CAMK4: variants seen among roughly 807,000 people sequenced by gnomAD.
The protein encoded by CAMK4 is calcium/calmodulin-dependent protein kinase type IV.
A neutral mutation model predicts 44.9 loss-of-function variants in CAMK4; 22 were observed. That is an observed-to-expected ratio of 0.49 (90% CI 0.35 to 0.70). The LOEUF is 0.70. CAMK4 is among the 30% of genes least tolerant of loss of function. The pLI is 0.01. For missense variants in CAMK4, 498 were observed against 586.8 expected (o/e 0.85, Z 1.56); for synonymous variants, 218 against 215.4 (o/e 1.01, Z -0.11).
chr5:111,346,111 A>G (rs1223832318), intron 2 of CAMK4, among the ~76,000 whole-genome samples: 3 of 151,970 alleles, frequency 2.0e-5, no homozygotes, highest in Admixed American at 1.3e-4. Context: ...AGTTGCCTCT[A>G]GCGTTTCATT....
intron 1 of CAMK4, among the ~76,000 whole-genome samples, chr5:111,295,777 T>C (rs1747455747): frequency 6.6e-6 from 1 of 152,182 alleles, no homozygotes; most frequent in Non-Finnish European, 1.5e-5. Context: ...GTTAGGAGAA[T>C]GGAAAGAGCA....
In CAMK4 at chr5:111,487,931, G is replaced by C. The variant is rs909534261; in HGVS notation, c.*3465G>C. ...TCCTGCCCATTCATTTACTTCAGAG[G>C]AGAAATGATTCCTAACATGACTTCA... On this transcript the variant is annotated 3_prime_UTR_variant, in exon 11 of 11. Transcript: ENST00000282356. 6.6e-6 allele frequency: 1 copy of C among 152,176 alleles called. No homozygotes were observed. Among genetic ancestry groups the C allele is most frequent in the Non-Finnish European group, 1.5e-5 (1 of 68,030 alleles). The allele number at this position is 152,176 out of a possible 1,614,324, so 9.4% of individuals were successfully genotyped here. A position where few individuals can be genotyped will look rare whatever the true frequency, so the allele number is the denominator to read the frequency against.
At chr5:111,421,714 A>G (rs1400177366) in intron 5 of CAMK4, among the ~76,000 whole-genome samples, 1 of 151,888 alleles carries the variant, frequency 6.6e-6, no homozygotes, top group East Asian at 1.9e-4. Context: ...TTTTTTCATG[A>G]TTTTTAATGA....
chr5:111,356,540 A>G lies in CAMK4; in HGVS notation c.240+12438A>G, dbSNP rs865917138. On this transcript the variant is annotated intron_variant, in intron 2 of 10. Coordinates refer to ENST00000282356, the MANE Select transcript of CAMK4 (RefSeq NM_001744.6). ...CCATTTGTCAATTTTGGCTTTTGTT[A>G]CCATTGCTTTTGGTGTTTTAGACAT... 5.7e-3 allele frequency among the ~76,000 whole-genome samples: 866 copies of G among 152,160 alleles called. 8 individuals carry two copies. The highest frequency in any genetic ancestry group is 0.018 in the African/African-American group (757 of 41,516).
In CAMK4 at chr5:111,487,980, C is replaced by G. The variant is rs1755691248; in HGVS notation, c.*3514C>G. ...CAAAGAACGGGCATTACTAAATTAT[C>G]TACTGACCAATCCCTCTGATTCCTG... On this transcript the variant is annotated 3_prime_UTR_variant, in exon 11 of 11. Transcript: ENST00000282356. The G allele has an allele frequency of 6.6e-6, 1 of 152,192 alleles. No homozygotes were observed. The highest frequency in any genetic ancestry group is 2.4e-5 in the African/African-American group (1 of 41,442). The allele number at this position is 152,192 out of a possible 1,614,324, so 9.4% of individuals were successfully genotyped here.
intron 1 of CAMK4, among the ~76,000 whole-genome samples, chr5:111,330,503 TTG>T (rs1161409231): frequency 5.0e-5 from 2 of 39,672 alleles, no homozygotes; most frequent in African/African-American, 3.5e-4. Flanking sequence ...GTTTGGTTTT[TTG>T]TTGTTGTTGT....
rs369985638 is a variant in CAMK4 at position 111,396,684 on chromosome 5, A to T, written c.459+1902A>T. ...GAGATGGAGTCTCGCTCTGTCACCC[A>T]GGCTGGAGTGCAATGACGTGATCTT... On this transcript the variant is annotated intron_variant, in intron 5 of 10. Transcript: ENST00000282356. Among the ~76,000 whole-genome samples, 54 of 110,826 alleles carry T rather than the reference A, an allele frequency of 4.9e-4. No individual in the cohort carries two copies. In the East Asian group the frequency reaches 0.015, roughly 30 times the overall value. The allele number at this position is 110,826 out of a possible 152,430, so 72.7% of individuals were successfully genotyped here.
At chr5:111,414,057 A>G (rs1432434005) in intron 5 of CAMK4, among the ~76,000 whole-genome samples, 2 of 152,174 alleles carry the variant, frequency 1.3e-5, no homozygotes. Context: ...CTGTTTCTGA[A>G]GCAAATTTGT....
chr5:111,351,825 T>C (rs1265137463), intron 2 of CAMK4, among the ~76,000 whole-genome samples: 1 of 152,100 alleles, frequency 6.6e-6, no homozygotes, highest in African/African-American at 2.4e-5. Context: ...CTCCAAGAGA[T>C]TGAATAACAC....
chr5:111,491,179 A>G lies in CAMK4; in HGVS notation c.*6713A>G, dbSNP rs1040409527. On this transcript the variant is annotated 3_prime_UTR_variant, in exon 11 of 11. Coordinates refer to ENST00000282356, the MANE Select transcript of CAMK4 (RefSeq NM_001744.6). ...AAATTTTTCAGAACTCAAGCAACCAATGATTCACAGAGCAAATCTACCAAA... is the reference window on the plus strand; with the variant it reads ...AAATTTTTCAGAACTCAAGCAACCAGTGATTCACAGAGCAAATCTACCAAA... The G allele has an allele frequency of 3.9e-5, 6 of 152,306 alleles. No individual in the cohort carries two copies. Among genetic ancestry groups the G allele is most frequent in the African/African-American group, 9.6e-5 (4 of 41,568 alleles). The allele number at this position is 152,306 out of a possible 1,614,324, so 9.4% of individuals were successfully genotyped here.
intron 5 of CAMK4, among the ~76,000 whole-genome samples, chr5:111,398,140 T>G (rs926299277): frequency 6.6e-6 from 1 of 152,198 alleles, no homozygotes; most frequent in Non-Finnish European, 1.5e-5. Context: ...CTCTACTTCT[T>G]AGATCCACAA....
rs1229770102 is a variant in CAMK4, at chr5:111,469,172, AATATATATAT to A, written c.626-4114_626-4105del. Among the ~76,000 whole-genome samples, 213 of 31,958 alleles carry A rather than the reference AATATATATAT, an allele frequency of 6.7e-3. 3 individuals are homozygous for A. Among genetic ancestry groups the A allele is most frequent in the African/African-American group, 0.021 (174 of 8,244 alleles). The allele number at this position is 31,958 out of a possible 152,430, so 21.0% of individuals were successfully genotyped here. A position where few individuals can be genotyped will look rare whatever the true frequency, so the allele number is the denominator to read the frequency against. ...AAAAAAAAAAAAAAAAAAAAAAAAA[AATATATATAT>A]ATATATATATATATATATATATATT... On this transcript the variant is annotated intron_variant, in intron 7 of 10. Coordinates refer to ENST00000282356, the MANE Select transcript of CAMK4 (RefSeq NM_001744.6).
chr5:111,324,696 T>A (rs1035878982), intron 1 of CAMK4, among the ~76,000 whole-genome samples: 1 of 152,106 alleles, frequency 6.6e-6, no homozygotes, highest in African/African-American at 2.4e-5. Flanking sequence ...TCACCTTGAC[T>A]TAATTGACAC....
chr5:111,287,213 C>T (rs1751272622), intron 1 of CAMK4, among the ~76,000 whole-genome samples: 1 of 152,160 alleles, frequency 6.6e-6, no homozygotes, highest in African/African-American at 2.4e-5. Flanking sequence ...AAACAGGCTA[C>T]TAGGAGAAAC....
intron 4 of CAMK4, among the ~76,000 whole-genome samples, chr5:111,390,833 A>G (rs1751770192): frequency 6.6e-6 from 1 of 152,198 alleles, no homozygotes; most frequent in African/African-American, 2.4e-5. Context: ...CTAACATACA[A>G]GTGAGTGAGG....
At position 111,484,575 on chromosome 5, in the gene CAMK4, G is replaced by A. The variant is rs1050273105; in HGVS notation, c.*109G>A. On this transcript the variant is annotated 3_prime_UTR_variant, in exon 11 of 11. Transcript: ENST00000282356. The surrounding 1 kb of genome is among the most constrained non-coding windows in gnomAD (Gnocchi z 5.3). ...GTACTATAGTGATTCTGTTTTTGAG[G>A]TGCAAAAAACATACATATATACCAG... 3.1e-6 allele frequency: 2 copies of A among 651,326 alleles called. No homozygotes were observed. Among genetic ancestry groups the A allele is most frequent in the African/African-American group, 3.7e-5 (2 of 53,980 alleles). 40.3% of individuals were successfully genotyped at this position (651,326 alleles called of 1,614,324 possible).
At chr5:111,364,051 A>G (rs1322580410) in intron 2 of CAMK4, among the ~76,000 whole-genome samples, 1 of 152,118 alleles carries the variant, frequency 6.6e-6, no homozygotes, top group East Asian at 1.9e-4. Flanking sequence ...GACATGAAAT[A>G]ATCCATTTTA....
chr5:111,233,422 T>A (rs1748565406), intron 1 of CAMK4, among the ~76,000 whole-genome samples: 1 of 152,240 alleles, frequency 6.6e-6, no homozygotes, highest in South Asian at 2.1e-4. Flanking sequence ...CTCCTATTTC[T>A]TTTTGTCTGA....
At chr5:111,296,449 T>A (rs1747487600) in intron 1 of CAMK4, among the ~76,000 whole-genome samples, 1 of 152,242 alleles carries the variant, frequency 6.6e-6, no homozygotes, top group South Asian at 2.1e-4. Flanking sequence ...AACTCCTGGT[T>A]TGGCAAATCT....
Sources: allele counts gnomAD v4.1 joint callset (sites outside exome capture counted in the v4.1 genomes callset), GRCh38; gene constraint gnomAD v4.1.1; non-coding constraint Gnocchi (gnomAD v3.1); transcripts MANE v1.5; gene names NCBI Gene and HGNC (gene_info 2026-07-23, HGNC 2026-07-21).